Variants in PTPN11 observed in about 807,000 individuals in gnomAD.
PTPN11 encodes protein tyrosine phosphatase non-receptor type 11.
PTPN11 carries 6 observed loss-of-function variants against 78.8 expected under a neutral mutation model. The ratio of observed to expected loss-of-function variants is 0.08; its 90% CI spans 0.04 to 0.15. The LOEUF (loss-of-function observed/expected upper bound fraction) is 0.15, where lower values mean the gene tolerates loss of function less well. PTPN11 is among the 10% of genes least tolerant of loss of function. The pLI is 1.00. For missense variants in PTPN11, 386 were observed against 744.8 expected (o/e 0.52, Z 5.61); for synonymous variants, 221 against 263.5 (o/e 0.84, Z 1.56).
In PTPN11 at chr12:112,506,067, T is replaced by C. The variant is rs1292826066; in HGVS notation, c.*275T>C. 6.6e-6 allele frequency: 1 copy of C among 152,260 alleles called. No individual in the cohort carries two copies. Among genetic ancestry groups the C allele is most frequent in the Non-Finnish European group, 1.5e-5 (1 of 68,046 alleles). The allele number at this position is 152,260 out of a possible 1,614,324, so 9.4% of individuals were successfully genotyped here. A position where few individuals can be genotyped will look rare whatever the true frequency, so the allele number is the denominator to read the frequency against. On this transcript the variant is annotated 3_prime_UTR_variant, in exon 16 of 16. Transcript: ENST00000351677. The stretch of plus-strand genomic sequence containing the variant: ...ACAACATTATATTTTATAGAATTTG[T>C]TTGAAATTGAGGAAGCAGTTAAATT...
chr12:112,442,071 C>T (rs1370808100), intron 1 of PTPN11, among the ~76,000 whole-genome samples: 1 of 152,196 alleles, frequency 6.6e-6, no homozygotes, highest in Non-Finnish European at 1.5e-5. Flanking sequence ...GCCACCGCGC[C>T]TGCCCAAGAA....
chr12:112,436,684 A>G (rs1206179704), intron 1 of PTPN11, among the ~76,000 whole-genome samples: 1 of 149,584 alleles, frequency 6.7e-6, no homozygotes, highest in Non-Finnish European at 1.5e-5. Flanking sequence ...TTGGCATTTC[A>G]TTGCTTTTAT....
chr12:112,480,219 A>G (rs2038574287), intron 9 of PTPN11, among the ~76,000 whole-genome samples: 1 of 152,202 alleles, frequency 6.6e-6, no homozygotes, highest in Non-Finnish European at 1.5e-5. Flanking sequence ...TTGATTGGCC[A>G]GTGACAGCAT....
At position 112,482,888 on chromosome 12, in the gene PTPN11, G is replaced by A. The variant is rs2038618160; in HGVS notation, c.1224+683G>A. 6.6e-6 allele frequency among the ~76,000 whole-genome samples: 1 copy of A among 152,132 alleles called. No individual in the cohort carries two copies. The highest frequency in any genetic ancestry group is 1.5e-5 in the Non-Finnish European group (1 of 68,044). On this transcript the variant is annotated intron_variant, in intron 10 of 15. Transcript: ENST00000351677. The surrounding 1 kb of genome is among the most constrained non-coding windows in gnomAD (Gnocchi z 4.4). ...AAAGCTGGAAGGAGAACTGATGTGG[G>A]CAGTGATTTGTTTTCTTCTGGATGT...
chr12:112,454,777 C>A, intron 5 of PTPN11, 97 bp downstream of exon 5: 5 of 735,562 alleles, frequency 6.8e-6, no homozygotes, highest in African/African-American at 1.8e-5. Context: ...AGAATAGTAT[C>A]ATCAGCCTCC....
intron 1 of PTPN11, among the ~76,000 whole-genome samples, chr12:112,435,089 G>A (rs1040127596): frequency 6.6e-6 from 1 of 152,126 alleles, no homozygotes; most frequent in Non-Finnish European, 1.5e-5. Context: ...CACAATCGCA[G>A]CTCACTGCAA....
intron 13 of PTPN11, among the ~76,000 whole-genome samples, chr12:112,490,056 G>T (rs970339975): frequency 1.3e-5 from 2 of 152,136 alleles, no homozygotes; most frequent in African/African-American, 4.8e-5. Context: ...ATTGTACATA[G>T]ACATCTTCAG....
At position 112,418,980 on chromosome 12, in the gene PTPN11, T is replaced by C; in HGVS notation, c.-132T>C. Reference sequence around the variant, plus strand: ...GGATCCCCAGGCCTGGAGGGGGGTCTGTGCGCGGCCGGCTGGCTCTGCCCC... The same window carrying C: ...GGATCCCCAGGCCTGGAGGGGGGTCCGTGCGCGGCCGGCTGGCTCTGCCCC... On this transcript the variant is annotated 5_prime_UTR_variant, in exon 1 of 16. Coordinates refer to ENST00000351677, the MANE Select transcript of PTPN11 (RefSeq NM_002834.5). 8.8e-7 allele frequency: 1 copy of C among 1,138,726 alleles called. No individual in the cohort carries two copies. Among genetic ancestry groups the C allele is most frequent in the Non-Finnish European group, 1.3e-6 (1 of 796,432 alleles). 70.5% of individuals were successfully genotyped at this position (1,138,726 alleles called of 1,614,324 possible).
chr12:112,444,882 T>C (rs1264217802), intron 1 of PTPN11, among the ~76,000 whole-genome samples: 5 of 152,108 alleles, frequency 3.3e-5, no homozygotes, highest in African/African-American at 1.2e-4. Flanking sequence ...CTTCTTACTT[T>C]TACTGCCCCA....
At chr12:112,468,299 C>T (rs1031186742) in intron 6 of PTPN11, among the ~76,000 whole-genome samples, 1 of 152,028 alleles carries the variant, frequency 6.6e-6, no homozygotes, top group African/African-American at 2.4e-5. Flanking sequence ...GAAGATAAAC[C>T]CTGACAGGAA....
At chr12:112,486,748 G>A (rs2038684396) in intron 11 of PTPN11, 119 bp downstream of exon 11, 1 of 1,530,224 alleles carries the variant, frequency 6.5e-7, no homozygotes, top group African/African-American at 1.4e-5. Context: ...ATATCTGTTT[G>A]AGGCATAGAG....
chr12:112,492,540 T>C (rs1362076893), intron 13 of PTPN11, among the ~76,000 whole-genome samples: 2 of 151,586 alleles, frequency 1.3e-5, no homozygotes, highest in African/African-American at 2.4e-5. Flanking sequence ...TTTTTTGAGA[T>C]GGAGTCTCGC....
chr12:112,420,589 G>A (rs1284563240), intron 1 of PTPN11, among the ~76,000 whole-genome samples: 3 of 152,202 alleles, frequency 2.0e-5, no homozygotes, highest in Middle Eastern at 3.4e-3. Flanking sequence ...TGATCCGCCC[G>A]CCTTGGCCTC....
intron 6 of PTPN11, among the ~76,000 whole-genome samples, chr12:112,465,993 G>T (rs1297913303): frequency 6.6e-6 from 1 of 152,172 alleles, no homozygotes; most frequent in African/African-American, 2.4e-5. Context: ...AATACTGATT[G>T]AACACCGACT....
At chr12:112,431,081 T>C (rs569990013) in intron 1 of PTPN11, among the ~76,000 whole-genome samples, 50 of 152,246 alleles carry the variant, frequency 3.3e-4, no homozygotes, top group African/African-American at 1.1e-3. Context: ...GTACGTGGAG[T>C]TGGAGTCATC....
chr12:112,501,984 T>A (rs985255976), intron 13 of PTPN11, among the ~76,000 whole-genome samples, 160 bp from the exon 14 acceptor site: 1 of 152,214 alleles, frequency 6.6e-6, no homozygotes, highest in African/African-American at 2.4e-5. Context: ...AGAAGGTGAA[T>A]CCCCTAACAA....
intron 13 of PTPN11, among the ~76,000 whole-genome samples, chr12:112,494,239 G>A (rs2038787828): frequency 6.6e-6 from 1 of 152,170 alleles, no homozygotes; most frequent in Non-Finnish European, 1.5e-5. Context: ...GGATGTTGAT[G>A]TTGTTCCACT....
chr12:112,479,681 C>A (rs2038564025), intron 9 of PTPN11, among the ~76,000 whole-genome samples: 1 of 152,182 alleles, frequency 6.6e-6, no homozygotes, highest in African/African-American at 2.4e-5. Flanking sequence ...CCTTCATCCT[C>A]CTTTTTGCCT....
At chr12:112,481,607 C>T (rs934852490) in intron 9 of PTPN11, among the ~76,000 whole-genome samples, 2 of 152,170 alleles carry the variant, frequency 1.3e-5, no homozygotes, top group African/African-American at 4.8e-5. Flanking sequence ...ATTCTCCTGC[C>T]TCAGCCTCCC....
Sources: gnomAD v4.1 joint callset for allele counts (sites outside exome capture counted in the v4.1 genomes callset) on GRCh38, gnomAD v4.1.1 for gene constraint, Gnocchi (gnomAD v3.1) non-coding constraint, MANE v1.5 for transcripts, NCBI Gene and HGNC (gene_info 2026-07-23, HGNC 2026-07-21) for gene names.